The following STXBP5L variants were observed in gnomAD, a reference collection of about 807,000 sequenced individuals.
STXBP5L encodes syntaxin binding protein 5L, also known as syntaxin-binding protein 5-like.
Under a neutral mutation model 144.5 loss-of-function variants are expected in STXBP5L, and 65 were observed. The ratio of observed to expected loss-of-function variants is 0.45; its 90% CI spans 0.37 to 0.55. The LOEUF is 0.55. Ranked by LOEUF, STXBP5L falls within the 20% of genes least tolerant of loss-of-function variation. The pLI, the probability that STXBP5L is intolerant of heterozygous loss-of-function variation, is 0.00. For synonymous variants in STXBP5L, 505 were observed against 469.6 expected (o/e 1.08, Z -0.97); for missense variants, 1,298 against 1,405.5 (o/e 0.92, Z 1.22).
At chr3:121,352,503 G>A (rs367998511) in intron 20 of STXBP5L, among the ~76,000 whole-genome samples, 4 of 152,010 alleles carry the variant, frequency 2.6e-5, no homozygotes, top group Admixed American at 6.6e-5. Flanking sequence ...TTGCTGTATA[G>A]GAATGATTGT....
intron 23 of STXBP5L, among the ~76,000 whole-genome samples, chr3:121,410,036 C>T (rs2047080404): frequency 6.6e-6 from 1 of 151,514 alleles, no homozygotes; most frequent in Non-Finnish European, 1.5e-5. Context: ...TAAAAATAAT[C>T]ATTTTATGGT....
chr3:121,245,115 T>A (rs2049803122), intron 14 of STXBP5L, among the ~76,000 whole-genome samples: 1 of 152,106 alleles, frequency 6.6e-6, no homozygotes, highest in Admixed American at 6.5e-5. Context: ...AAAATTACTA[T>A]AATACTATGA....
intron 3 of STXBP5L, among the ~76,000 whole-genome samples, chr3:120,966,304 G>T (rs150811937): frequency 6.6e-6 from 1 of 152,206 alleles, no homozygotes; most frequent in Non-Finnish European, 1.5e-5. Flanking sequence ...GTCATTCTCC[G>T]TCCAGCTTTG....
Position 121,223,157 on chromosome 3 carries a change from G to T in STXBP5L, c.1111G>T (p.Glu371Ter). 1 of 1,579,154 alleles carries T rather than the reference G, an allele frequency of 6.3e-7. No individual in the cohort carries two copies. The highest frequency in any genetic ancestry group is 8.6e-7 in the Non-Finnish European group (1 of 1,169,170). Residue 371 changes from glutamate to a stop codon, truncating the protein, a stop_gained and splice_region_variant, in exon 11 of 27, where the codon GAA (glutamate) becomes TAA (stop). Coordinates refer to ENST00000471454, the MANE Select transcript of STXBP5L (RefSeq NM_001308330.2). LOFTEE classifies it high-confidence loss of function. ...TTTATGTGAAACGCCCTATCCAAAT[G>T]GTAAGTAACTAAAATGAAACTATTA... is the stretch of plus-strand genomic sequence containing the variant. Reference protein sequence around the residue: ...LTLCETPYPNEFQEPYAVVVL... With the variant: ...LTLCETPYPN
intron 18 of STXBP5L, among the ~76,000 whole-genome samples, chr3:121,267,786 G>A (rs1193994209): frequency 6.6e-6 from 1 of 152,092 alleles, no homozygotes; most frequent in Non-Finnish European, 1.5e-5. Context: ...CATTTATGCA[G>A]CCAACAAATA....
intron 20 of STXBP5L, among the ~76,000 whole-genome samples, chr3:121,320,210 G>A (rs561951472): frequency 5.5e-4 from 83 of 152,010 alleles, no homozygotes; most frequent in Middle Eastern, 3.4e-3. Flanking sequence ...GGGTTTTTTT[G>A]TAGAGGTCTT....
chr3:121,345,942 CT>C (rs1216462330), intron 20 of STXBP5L, among the ~76,000 whole-genome samples: 2 of 151,770 alleles, frequency 1.3e-5, no homozygotes, highest in East Asian at 1.9e-4. Context: ...AGTTTTGTTT[CT>C]TTTTTTCTTT....
At chr3:121,016,874 A>G (rs1188414361) in intron 3 of STXBP5L, among the ~76,000 whole-genome samples, 3 of 152,218 alleles carry the variant, frequency 2.0e-5, no homozygotes, top group Admixed American at 1.3e-4. Context: ...AAAAAATTAT[A>G]TCAGTTCTCT....
At chr3:121,218,391 A>G (rs1166872700) in intron 10 of STXBP5L, among the ~76,000 whole-genome samples, 1 of 146,984 alleles carries the variant, frequency 6.8e-6, no homozygotes, top group Non-Finnish European at 1.5e-5. Context: ...AGTATATAGT[A>G]TTATTTAGTA....
rs535926737 is a variant in STXBP5L at position 121,157,724 on chromosome 3, A to C, written c.877+97A>C. On this transcript the variant is annotated intron_variant, in intron 9 of 26. Transcript: ENST00000471454. ...ATTAATGCGTTTGGTAGAAAAAAGTAATAGGACATAGCTTCTGGTTCTAAA... is the reference window on the plus strand; with the variant it reads ...ATTAATGCGTTTGGTAGAAAAAAGTCATAGGACATAGCTTCTGGTTCTAAA... The C allele has an allele frequency of 2.8e-5, 41 of 1,476,178 alleles. No homozygotes were observed. In the African/African-American group the frequency reaches 4.3e-4, roughly 15 times the overall value. 91.4% of individuals were successfully genotyped at this position (1,476,178 alleles called of 1,614,324 possible).
intron 7 of STXBP5L, among the ~76,000 whole-genome samples, chr3:121,136,519 C>A (rs1028831086): frequency 1.3e-5 from 2 of 152,324 alleles, no homozygotes; most frequent in South Asian, 4.1e-4. Context: ...ATCAAAACTA[C>A]AATAAGCTAC....
rs939285982 is a variant in STXBP5L at position 120,986,723 on chromosome 3, A to C, written c.287+31686A>C. 4.6e-5 allele frequency among the ~76,000 whole-genome samples: 7 copies of C among 152,034 alleles called. No individual in the cohort carries two copies. The East Asian group carries it at 9.6e-4, about 21-fold the overall frequency. On this transcript the variant is annotated intron_variant, in intron 3 of 26. Coordinates refer to ENST00000471454, the MANE Select transcript of STXBP5L (RefSeq NM_001308330.2). ...ATGGAGAAAGTCAAGAAAATGATGTATAAGCAAAATGGAAATATTGATAAA... is the reference window on the plus strand; with the variant it reads ...ATGGAGAAAGTCAAGAAAATGATGTCTAAGCAAAATGGAAATATTGATAAA...
chr3:121,349,025 C>T (rs965846484), intron 20 of STXBP5L, among the ~76,000 whole-genome samples: 3 of 151,978 alleles, frequency 2.0e-5, no homozygotes, highest in Non-Finnish European at 2.9e-5. Flanking sequence ...GCTCTTGCTT[C>T]TCTAGTTCTT....
chr3:121,088,383 C>T (rs1007411383), intron 5 of STXBP5L, among the ~76,000 whole-genome samples: 1 of 114,112 alleles, frequency 8.8e-6, no homozygotes, highest in African/African-American at 3.4e-5. Flanking sequence ...AAATCAAAAC[C>T]ACTATGAGAT....
chr3:121,009,825 C>T (rs1174411600), intron 3 of STXBP5L, among the ~76,000 whole-genome samples: 2 of 151,748 alleles, frequency 1.3e-5, no homozygotes, highest in Non-Finnish European at 2.9e-5. Context: ...CTACAAGGGC[C>T]TAGTAGCATG....
chr3:121,132,521 T>C (rs1426453962), intron 7 of STXBP5L, among the ~76,000 whole-genome samples: 1 of 152,090 alleles, frequency 6.6e-6, no homozygotes, highest in Non-Finnish European at 1.5e-5. Context: ...GGCCAATTGG[T>C]GGGGTACTTC....
intron 9 of STXBP5L, among the ~76,000 whole-genome samples, chr3:121,199,343 C>G (rs1335539722): frequency 1.3e-5 from 2 of 152,156 alleles, no homozygotes; most frequent in Admixed American, 6.5e-5. Flanking sequence ...TATCTTGAGA[C>G]TCTGCTGAAG....
chr3:121,001,869 T>G (rs527888378), intron 3 of STXBP5L, among the ~76,000 whole-genome samples: 4 of 152,240 alleles, frequency 2.6e-5, no homozygotes, highest in Non-Finnish European at 5.9e-5. Context: ...TAGCTGTGTC[T>G]AGTCAGCCAT....
chr3:121,107,512 G>A (rs1404966615), intron 5 of STXBP5L, among the ~76,000 whole-genome samples: 2 of 152,164 alleles, frequency 1.3e-5, no homozygotes, highest in Non-Finnish European at 2.9e-5. Context: ...GTTTGTCAAA[G>A]TTCAGATGGT....
Sources: allele counts gnomAD v4.1 joint callset (sites outside exome capture counted in the v4.1 genomes callset), GRCh38; gene constraint gnomAD v4.1.1; transcripts MANE v1.5; gene names NCBI Gene and HGNC (gene_info 2026-07-23, HGNC 2026-07-21).